Variants in HDX observed in about 807,000 individuals in gnomAD.
HDX encodes chromosome X open reading frame 43.
Under a neutral mutation model 45.2 loss-of-function variants are expected in HDX, and 19 were observed. The ratio of observed to expected loss-of-function variants is 0.42; its 90% CI spans 0.29 to 0.62. HDX has a LOEUF of 0.62. HDX is among the 20% of genes least tolerant of loss of function. The pLI is 0.20. For missense variants in HDX, 532 were observed against 493.9 expected (o/e 1.08, Z -0.73); for synonymous variants, 188 against 172.8 (o/e 1.09, Z -0.69).
intron 5 of HDX, among the ~76,000 whole-genome samples, chrX:84,406,772 A>G (rs193248303): frequency 8.1e-5 from 9 of 111,161 alleles, no homozygotes; most frequent in South Asian, 3.8e-4. Context: ...ATCTTGACTC[A>G]GAAGGCTTTC....
rs774231035 is a variant in HDX at position 84,423,438 on chromosome X, T to C, written c.1305+17094A>G. On this transcript the variant is annotated intron_variant, in intron 5 of 10. Transcript: ENST00000373177. Reference sequence around the variant, plus strand: ...AAAGGGAATACTTCCAAACTCATTCTATGGGTGAAGTATTACCCTGATAAC... The same window carrying C: ...AAAGGGAATACTTCCAAACTCATTCCATGGGTGAAGTATTACCCTGATAAC... Among the ~76,000 whole-genome samples, 4 of 102,341 alleles carry C rather than the reference T, an allele frequency of 3.9e-5. No homozygotes were observed. The East Asian group carries it at 1.2e-3, about 31-fold the overall frequency. The allele number at this position is 102,341 out of a possible 115,157, so 88.9% of individuals were successfully genotyped here.
intron 9 of HDX, 122 bp downstream of exon 9, chrX:84,333,637 A>G: frequency 2.6e-6 from 1 of 388,180 alleles, no homozygotes; most frequent in Non-Finnish European, 4.6e-6. Flanking sequence ...TCAAGTAGCC[A>G]GAAAGAATTA....
At chrX:84,326,930 A>G (rs1315084421) in intron 9 of HDX, among the ~76,000 whole-genome samples, 1 of 104,898 alleles carries the variant, frequency 9.5e-6, no homozygotes, top group Admixed American at 1.0e-4. Flanking sequence ...AAAAAAAAAA[A>G]GATTAGGAAT....
intron 5 of HDX, among the ~76,000 whole-genome samples, chrX:84,410,004 G>T (rs1255897123): frequency 8.1e-5 from 8 of 98,853 alleles, no homozygotes; most frequent in Non-Finnish European, 1.6e-4. Flanking sequence ...GGTGAGCCAA[G>T]ATTGCACCAT....
chrX:84,329,172 AG>A (rs2036787503), intron 9 of HDX, among the ~76,000 whole-genome samples: 1 of 111,956 alleles, frequency 8.9e-6, no homozygotes, highest in Non-Finnish European at 1.9e-5. Flanking sequence ...TCAGACTTAA[AG>A]AATCTGTTTT....
chrX:84,351,326 T>C (rs2037354451), intron 6 of HDX, among the ~76,000 whole-genome samples: 1 of 111,134 alleles, frequency 9.0e-6, no homozygotes, highest in African/African-American at 3.3e-5. Context: ...CTCTTTCTTA[T>C]CTGACACCAT....
At chrX:84,336,955 A>C in intron 7 of HDX, 75 bp from the exon 8 acceptor site, 1 of 640,698 alleles carries the variant, frequency 1.6e-6, no homozygotes, top group Non-Finnish European at 2.4e-6. Context: ...AAGGTCATTT[A>C]AATAATTTCT....
chrX:84,482,202 A>C (rs1235710871), intron 2 of HDX, among the ~76,000 whole-genome samples: 1 of 111,702 alleles, frequency 9.0e-6, no homozygotes. Context: ...CTTTTAGATA[A>C]AACAATTTTT....
intron 9 of HDX, among the ~76,000 whole-genome samples, chrX:84,330,787 T>C (rs1463396677): frequency 1.8e-5 from 2 of 111,981 alleles, no homozygotes; most frequent in African/African-American, 6.5e-5. Context: ...GTTTGAAAAA[T>C]ATAAACAGCT....
intron 5 of HDX, among the ~76,000 whole-genome samples, chrX:84,376,974 A>G (rs2038073075): frequency 8.9e-6 from 1 of 112,032 alleles, no homozygotes; most frequent in Non-Finnish European, 1.9e-5. Context: ...TTCAGGTCTG[A>G]CCCAATGAAG....
chrX:84,357,298 T>G (rs1173626392), intron 6 of HDX, among the ~76,000 whole-genome samples: 1 of 111,102 alleles, frequency 9.0e-6, no homozygotes, highest in Non-Finnish European at 1.9e-5. Context: ...CCAATGAGTA[T>G]GAATGTGTTG....
At chrX:84,349,403 A>C (rs766621110) in intron 6 of HDX, among the ~76,000 whole-genome samples, 1 of 68,512 alleles carries the variant, frequency 1.5e-5, no homozygotes, top group East Asian at 4.3e-4. Flanking sequence ...ATATATATAT[A>C]TGTGTGTGTG....
chrX:84,408,565 T>C (rs969690186), intron 5 of HDX, among the ~76,000 whole-genome samples: 2 of 97,971 alleles, frequency 2.0e-5, no homozygotes, highest in Non-Finnish European at 4.1e-5. Flanking sequence ...TTTGGTTCCA[T>C]ATAATTTTTA....
At chrX:84,357,472 T>C (rs962144048) in intron 6 of HDX, among the ~76,000 whole-genome samples, 48 of 111,891 alleles carry the variant, frequency 4.3e-4, no homozygotes, top group African/African-American at 1.4e-3. Flanking sequence ...GAAAAAATGA[T>C]ATTTCACTAC....
intron 5 of HDX, among the ~76,000 whole-genome samples, chrX:84,427,444 C>T (rs1456453617): frequency 9.0e-6 from 1 of 111,172 alleles, no homozygotes; most frequent in Non-Finnish European, 1.9e-5. Flanking sequence ...TTTTCTAATG[C>T]CTCCTGTTAA....
intron 8 of HDX, 115 bp downstream of exon 8, chrX:84,336,686 T>G: frequency 9.7e-6 from 5 of 515,534 alleles, no homozygotes; most frequent in Non-Finnish European, 1.6e-5. Flanking sequence ...GAGGTCTGTT[T>G]TGGTTTGTGA....
At chrX:84,494,345 GTTTGT>G (rs1478091386) in intron 1 of HDX, among the ~76,000 whole-genome samples, 9 of 112,389 alleles carry the variant, frequency 8.0e-5, no homozygotes, top group African/African-American at 2.9e-4. Context: ...ACTGGAGAGT[GTTTGT>G]ACTGCCACAA....
intron 5 of HDX, among the ~76,000 whole-genome samples, chrX:84,390,052 G>A (rs1245331807): frequency 9.1e-6 from 1 of 110,371 alleles, no homozygotes; most frequent in Non-Finnish European, 1.9e-5. Flanking sequence ...CTAGGCCCCA[G>A]TGTAACCGTT....
chrX:84,454,924 G>T (rs2040080585), intron 4 of HDX, among the ~76,000 whole-genome samples: 1 of 110,483 alleles, frequency 9.1e-6, no homozygotes, highest in African/African-American at 3.3e-5. Flanking sequence ...AAGAGTCTCT[G>T]CTTGGTAATC....
Sources: gnomAD v4.1 joint callset for allele counts (sites outside exome capture counted in the v4.1 genomes callset) on GRCh38, gnomAD v4.1.1 for gene constraint, MANE v1.5 for transcripts, NCBI Gene and HGNC (gene_info 2026-07-23, HGNC 2026-07-21) for gene names.